ATAD5: variants seen among roughly 807,000 people sequenced by gnomAD.
ATAD5 encodes the protein ATPase family AAA domain-containing protein 5.
In ATAD5, 58 loss-of-function variants were observed where a neutral mutation model predicts 176.9. The observed-to-expected ratio is 0.33, with a 90% CI of 0.27 to 0.41. The LOEUF is 0.41. Among genes scored for constraint, ATAD5 ranks in the 10% least tolerant of loss-of-function variants. ATAD5 has a pLI of 1.00. For synonymous variants in ATAD5, 640 were observed against 712.6 expected, an observed-to-expected ratio of 0.90 and a Z score of 1.62; for missense variants, 1,789 against 2,094.1, an observed-to-expected ratio of 0.85 and a Z score of 2.84.
intron 15 of ATAD5, among the ~76,000 whole-genome samples, 162 bp downstream of exon 15, chr17:30,876,712 T>G (rs1056929044): frequency 9.2e-6 from 1 of 108,848 alleles, no homozygotes; most frequent in African/African-American, 3.2e-5. Context: ...CTTTTTTTTT[T>G]TTTTTTTTTT....
intron 14 of ATAD5, among the ~76,000 whole-genome samples, chr17:30,871,462 C>G (rs1908330332): frequency 6.6e-6 from 1 of 151,814 alleles, no homozygotes; most frequent in Non-Finnish European, 1.5e-5. Context: ...ATTCTCCTGC[C>G]TCAGCCTCCC....
At chr17:30,887,498 C>G (rs1443708989) in intron 19 of ATAD5, 126 bp downstream of exon 19, 14 of 734,576 alleles carry the variant, frequency 1.9e-5, no homozygotes, top group Non-Finnish European at 2.8e-5. Flanking sequence ...GGGAGGATCT[C>G]TTGAGGCCAG....
intron 3 of ATAD5, among the ~76,000 whole-genome samples, chr17:30,840,214 A>C (rs1214280020): frequency 2.0e-5 from 3 of 150,708 alleles, no homozygotes; most frequent in Non-Finnish European, 2.9e-5. Context: ...AAAAAAAAAA[A>C]AAAAACAACC....
At chr17:30,849,399 T>G (rs2142340673) in intron 6 of ATAD5, among the ~76,000 whole-genome samples, 1 of 152,356 alleles carries the variant, frequency 6.6e-6, no homozygotes, top group African/African-American at 2.4e-5. Context: ...CCCAGCTGTT[T>G]GCAATTTGAA....
intron 2 of ATAD5, 103 bp from the exon 3 acceptor site, chr17:30,837,103 T>C: frequency 1.5e-6 from 1 of 655,138 alleles, no homozygotes; most frequent in Non-Finnish European, 2.5e-6. Flanking sequence ...TGGGATTACA[T>C]GCAGATGCCA....
chr17:30,850,863 ATATATATTTTT>A (rs1906897981), intron 6 of ATAD5, among the ~76,000 whole-genome samples: 2 of 24,454 alleles, frequency 8.2e-5, no homozygotes, highest in African/African-American at 2.8e-4. Context: ...ATATATATAT[ATATATATTTTT>A]TTTTTTTTTT....
At chr17:30,857,182 A>G (rs1263039241) in intron 8 of ATAD5, 70 bp downstream of exon 8, 16 of 1,486,004 alleles carry the variant, frequency 1.1e-5, no homozygotes, top group Non-Finnish European at 1.4e-5. Context: ...ACATTTTTGG[A>G]TATCTACTCT....
chr17:30,854,108 C>T (rs918163794), intron 6 of ATAD5, among the ~76,000 whole-genome samples: 7 of 149,716 alleles, frequency 4.7e-5, no homozygotes, highest in Non-Finnish European at 1.0e-4. Context: ...AGAATTTGAT[C>T]AGCTAATATT....
rs1378295192 is a variant in ATAD5 at position 30,846,191 on chromosome 17, T to G, written c.2450+1275T>G. Among the ~76,000 whole-genome samples the G allele has an allele frequency of 6.6e-5, 10 of 152,318 alleles. No individual in the cohort carries two copies. In the East Asian group the frequency reaches 1.7e-3, roughly 26 times the overall value. ...AATATTCGATTTCTATTTCCATCAA[T>G]TAGTTTGATTTCTATTACCATAGAT... On this transcript the variant is annotated intron_variant, in intron 6 of 22. Transcript: ENST00000321990.
intron 6 of ATAD5, among the ~76,000 whole-genome samples, chr17:30,850,879 T>TG (rs1567683731): frequency 2.5e-5 from 1 of 39,250 alleles, no homozygotes; most frequent in African/African-American, 8.6e-5. Flanking sequence ...ATTTTTTTTT[T>TG]TTTTTTTTTT....
rs147582079 is a variant in ATAD5 at position 30,854,620 on chromosome 17, C to T, written c.2451-523C>T. ...CTCCTGACCTCAGGTGATCCACCCTCCTCGGCCTCCCAAAGTGCTGGGATT... is the reference window on the plus strand; with the variant it reads ...CTCCTGACCTCAGGTGATCCACCCTTCTCGGCCTCCCAAAGTGCTGGGATT... On this transcript the variant is annotated intron_variant, in intron 6 of 22. Coordinates refer to ENST00000321990, the MANE Select transcript of ATAD5 (RefSeq NM_024857.5). Among the ~76,000 whole-genome samples, 8 of 152,094 alleles carry T rather than the reference C, an allele frequency of 5.3e-5. No homozygotes were observed. In the South Asian group the frequency reaches 1.7e-3, roughly 32 times the overall value.
intron 9 of ATAD5, among the ~76,000 whole-genome samples, chr17:30,858,611 C>A (rs1195345172): frequency 1.3e-5 from 2 of 152,060 alleles, no homozygotes; most frequent in Non-Finnish European, 2.9e-5. Context: ...GTCTTGAACT[C>A]TTGATCTCAG....
intron 6 of ATAD5, among the ~76,000 whole-genome samples, chr17:30,852,043 C>T (rs1361839446): frequency 6.6e-6 from 1 of 152,172 alleles, no homozygotes; most frequent in Non-Finnish European, 1.5e-5. Flanking sequence ...TGACGAATTC[C>T]AATGGAATTA....
chr17:30,864,103 A>G (rs989281968), intron 10 of ATAD5: 3 of 152,292 alleles, frequency 2.0e-5, no homozygotes, highest in Middle Eastern at 3.4e-3. Context: ...ACCCATCCCG[A>G]TTATTGGTTT....
intron 8 of ATAD5, among the ~76,000 whole-genome samples, 188 bp from the exon 9 acceptor site, chr17:30,857,971 ACT>A (rs1261514398): frequency 2.0e-5 from 3 of 152,106 alleles, no homozygotes; most frequent in Non-Finnish European, 1.5e-5. Context: ...CAAACTCCTA[ACT>A]TCAGATGATC....
intron 15 of ATAD5, 26 bp from the exon 16 acceptor site, chr17:30,877,390 A>G: frequency 7.2e-7 from 1 of 1,394,166 alleles, no homozygotes; most frequent in Non-Finnish European, 9.9e-7. Context: ...GATTTTACCT[A>G]AAATATTAAT....
intron 1 of ATAD5, among the ~76,000 whole-genome samples, chr17:30,832,691 G>A (rs894215010): frequency 6.6e-6 from 1 of 152,110 alleles, no homozygotes; most frequent in African/African-American, 2.4e-5. Context: ...AAATGTTGGT[G>A]GAACGTGATG....
In ATAD5 at chr17:30,869,637, A is replaced by G; in HGVS notation, c.3598A>G (p.Lys1200Glu). The G allele has an allele frequency of 6.3e-7, 1 of 1,587,418 alleles. No homozygotes were observed. The highest frequency in any genetic ancestry group is 1.2e-5 in the South Asian group (1 of 85,364). ...PCFFNSYYIG[K>E]SPKKISSPKK... Reference sequence around the variant, plus strand: ...TTTTTTTAATAGCTACTACATAGGCAAGTCACCAAGTAAGTAAACTATTTT... The same window carrying G: ...TTTTTTTAATAGCTACTACATAGGCGAGTCACCAAGTAAGTAAACTATTTT... Residue 1200 changes from lysine (K) to glutamate (E), a missense_variant, in exon 14 of 23, where the codon AAG becomes GAG. Transcript: ENST00000321990.
intron 12 of ATAD5, 66 bp from the exon 13 acceptor site, chr17:30,869,182 G>A (rs1908193184): frequency 6.6e-7 from 1 of 1,520,916 alleles, no homozygotes; most frequent in African/African-American, 1.4e-5. Flanking sequence ...TTGATCACTG[G>A]GTTTCATAAG....
Sources: gnomAD v4.1 joint callset for allele counts (sites outside exome capture counted in the v4.1 genomes callset) on GRCh38, gnomAD v4.1.1 for gene constraint, MANE v1.5 for transcripts, NCBI Gene and HGNC (gene_info 2026-07-23, HGNC 2026-07-21) for gene names.